TSPEAR: variants seen among roughly 807,000 people sequenced by gnomAD.
TSPEAR encodes thrombospondin-type laminin G domain and EAR repeat-containing protein.
In TSPEAR, 69 loss-of-function variants were observed where a neutral mutation model predicts 71.6. The ratio of observed to expected loss-of-function variants is 0.96; its 90% CI spans 0.79 to 1.18. TSPEAR has a LOEUF of 1.18. Ranked by LOEUF, TSPEAR falls within the 50% of genes most tolerant of loss-of-function variation. The probability of loss-of-function intolerance (pLI) is 0.00; values close to 1 mark genes in which losing one functional copy is unlikely to be tolerated. For missense variants in TSPEAR, 971 were observed against 894.9 expected, an observed-to-expected ratio of 1.09 and a Z score of -1.09; for synonymous variants, 402 against 387.2, an observed-to-expected ratio of 1.04 and a Z score of -0.45.
chr21:44,499,679 G>C lies in TSPEAR; in HGVS notation c.*104C>G. Reference sequence around the variant, plus strand: ...GCACCCTGCCTGATGCCCAGGCCCGGGATGCCCTAGGCTGGGCCCACCTGG... The same window carrying C: ...GCACCCTGCCTGATGCCCAGGCCCGCGATGCCCTAGGCTGGGCCCACCTGG... On this transcript the variant is annotated 3_prime_UTR_variant, in exon 12 of 12. Coordinates refer to ENST00000323084, the MANE Select transcript of TSPEAR (RefSeq NM_144991.3). The C allele has an allele frequency of 7.9e-7, 1 of 1,269,248 alleles. No homozygotes were observed. The highest frequency in any genetic ancestry group is 1.0e-6 in the Non-Finnish European group (1 of 954,334). 78.6% of individuals were successfully genotyped at this position (1,269,248 alleles called of 1,614,324 possible).
At chr21:44,601,438 C>A (rs1980891910) in intron 1 of TSPEAR, 1 of 1,611,410 alleles carries the variant, frequency 6.2e-7, no homozygotes, top group Admixed American at 1.7e-5. Context: ...CTGCTGTAAG[C>A]CTGTGTGCTG....
intron 1 of TSPEAR, among the ~76,000 whole-genome samples, chr21:44,622,007 A>G (rs1216957161): frequency 1.3e-5 from 2 of 152,164 alleles, no homozygotes; most frequent in Admixed American, 6.5e-5. Context: ...TACCTTTTCC[A>G]AAATGTTATA....
chr21:44,535,854 G>C (rs141628176), intron 2 of TSPEAR, among the ~76,000 whole-genome samples: 599 of 145,048 alleles, frequency 4.1e-3, no homozygotes, highest in African/African-American at 0.015. Context: ...ATAAAGCAAA[G>C]TTTTGAGCTT....
intron 1 of TSPEAR, chr21:44,601,268 C>A (rs587759229): frequency 6.2e-7 from 1 of 1,605,120 alleles, no homozygotes; most frequent in Admixed American, 1.7e-5. Flanking sequence ...AGCTGCAAGC[C>A]GGCTTGCTGC....
At position 44,539,261 on chromosome 21, in the gene TSPEAR, G is replaced by GAT. The variant is rs1601385652; in HGVS notation, c.304-5339_304-5338insAT. 3.1e-6 allele frequency: 5 copies of GAT among 1,592,962 alleles called. No individual in the cohort carries two copies. In the East Asian group the frequency reaches 8.9e-5, roughly 28 times the overall value. On this transcript the variant is annotated intron_variant, in intron 2 of 11. Transcript: ENST00000323084. ...AACTGAGCCCAGCTGGCCCAGGGCG[G>GAT]GTGCCCATCAGCAGCTGGACTCCTG...
chr21:44,637,643 C>T (rs782493011), intron 1 of TSPEAR: 3 of 1,579,360 alleles, frequency 1.9e-6, no homozygotes, highest in Non-Finnish European at 2.6e-6. Context: ...CCCATGCTAC[C>T]AGCAGTCTAG....
intron 1 of TSPEAR, among the ~76,000 whole-genome samples, chr21:44,640,479 G>C (rs1316157271): frequency 2.6e-5 from 4 of 152,176 alleles, no homozygotes; most frequent in African/African-American, 4.8e-5. Context: ...AGAAACACTG[G>C]GAATATATTA....
chr21:44,629,537 C>T (rs371388001), intron 1 of TSPEAR, among the ~76,000 whole-genome samples: 11 of 152,316 alleles, frequency 7.2e-5, no homozygotes, highest in African/African-American at 2.2e-4. Context: ...CATGTGAATT[C>T]GGGGGCATCA....
Position 44,499,846 on chromosome 21 carries a change from G to T in TSPEAR, c.1947C>A (p.Ala649=), listed in dbSNP as rs782499014. 5.0e-6 allele frequency: 8 copies of T among 1,598,276 alleles called. No individual in the cohort carries two copies. Among genetic ancestry groups the T allele is most frequent in the Non-Finnish European group, 6.8e-6 (8 of 1,173,724 alleles). The change falls in exon 12 of 12, where the codon GCC becomes GCA. Residue 649 remains alanine, a synonymous_variant. Coordinates refer to ENST00000323084, the MANE Select transcript of TSPEAR (RefSeq NM_144991.3). ...CCTTGGCGCTGGAGTAGATGAGGTA[G>T]GCACCAGCCGTGGTGCTGAAGGCCT... is the stretch of plus-strand genomic sequence containing the variant. ...DWEAFSTTAG[A]YLIYSSAKEP...
chr21:44,524,723 A>G (rs1338321147), intron 8 of TSPEAR, among the ~76,000 whole-genome samples: 1 of 151,994 alleles, frequency 6.6e-6, no homozygotes, highest in Non-Finnish European at 1.5e-5. Context: ...TTAGGTAATC[A>G]GTCAGTGAGA....
At chr21:44,627,018 A>G (rs1982835677) in intron 1 of TSPEAR, 1 of 1,232,844 alleles carries the variant, frequency 8.1e-7, no homozygotes, top group East Asian at 2.4e-5. Context: ...TCTCAGCAAC[A>G]AGGAAGGGGA....
At chr21:44,606,926 G>T (rs1311594741) in intron 1 of TSPEAR, among the ~76,000 whole-genome samples, 1 of 152,156 alleles carries the variant, frequency 6.6e-6, no homozygotes, top group Non-Finnish European at 1.5e-5. Flanking sequence ...CATCACACTG[G>T]AGGAAAAAGC....
chr21:44,555,249 G>A (rs782513448), intron 2 of TSPEAR, among the ~76,000 whole-genome samples: 1 of 152,146 alleles, frequency 6.6e-6, no homozygotes, highest in Non-Finnish European at 1.5e-5. Context: ...TTCTCAAAAC[G>A]GTTTATAAAA....
chr21:44,647,654 G>A (rs1984522994), intron 1 of TSPEAR: 5 of 441,374 alleles, frequency 1.1e-5, no homozygotes, highest in East Asian at 4.3e-5. Context: ...CAGGAAATAC[G>A]GGCTGGTGTG....
chr21:44,525,518 G>A (rs587674200), intron 8 of TSPEAR, 135 bp downstream of exon 8: 11 of 957,560 alleles, frequency 1.1e-5, no homozygotes, highest in African/African-American at 8.2e-5. Context: ...AGTGAGGAAC[G>A]GTCCAGAACG....
chr21:44,513,799 G>A (rs587762216), intron 9 of TSPEAR, among the ~76,000 whole-genome samples: 4 of 152,260 alleles, frequency 2.6e-5, no homozygotes, highest in Admixed American at 2.6e-4. Flanking sequence ...GCACCCCTGG[G>A]GCTCCCTCCC....
chr21:44,549,121 A>G (rs991557932), intron 2 of TSPEAR, among the ~76,000 whole-genome samples: 8 of 152,200 alleles, frequency 5.3e-5, no homozygotes, highest in Non-Finnish European at 5.9e-5. Context: ...CTGGGGTCGG[A>G]CCACACAATC....
intron 1 of TSPEAR, among the ~76,000 whole-genome samples, chr21:44,655,115 G>A (rs1455651005): frequency 6.6e-6 from 1 of 152,216 alleles, no homozygotes; most frequent in Non-Finnish European, 1.5e-5. Context: ...AATGCACAGA[G>A]GTCTAGCACT....
intron 1 of TSPEAR, among the ~76,000 whole-genome samples, chr21:44,631,295 G>A (rs1434171783): frequency 6.6e-6 from 1 of 152,216 alleles, no homozygotes; most frequent in Non-Finnish European, 1.5e-5. Flanking sequence ...AAATTCTGGA[G>A]TTGAAAAGTA....
Sources: allele counts gnomAD v4.1 joint callset (sites outside exome capture counted in the v4.1 genomes callset), GRCh38; gene constraint gnomAD v4.1.1; transcripts MANE v1.5; gene names NCBI Gene and HGNC (gene_info 2026-07-23, HGNC 2026-07-21).